FTO: variants seen among roughly 807,000 people sequenced by gnomAD.
FTO encodes FTO alpha-ketoglutarate dependent dioxygenase.
FTO carries 47 observed loss-of-function variants against 63.9 expected under a neutral mutation model. The observed-to-expected ratio is 0.74, with a 90% CI of 0.58 to 0.94. The LOEUF (loss-of-function observed/expected upper bound fraction) is 0.94. Ranked by LOEUF, FTO falls within the 40% of genes least tolerant of loss-of-function variation. FTO has a pLI of 0.00. For synonymous variants in FTO, 207 were observed against 224.4 expected (o/e 0.92, Z 0.69); for missense variants, 562 against 618.1 (o/e 0.91, Z 0.96).
intron 4 of FTO, among the ~76,000 whole-genome samples, chr16:53,863,892 A>T (rs2080239961): frequency 6.6e-6 from 1 of 152,172 alleles, no homozygotes; most frequent in African/African-American, 2.4e-5. Flanking sequence ...AATTCCACCT[A>T]TACTATATTC....
chr16:53,917,814 A>G (rs1265270951), intron 7 of FTO, among the ~76,000 whole-genome samples: 2 of 151,850 alleles, frequency 1.3e-5, no homozygotes, highest in African/African-American at 4.8e-5. Context: ...CTGACATTGA[A>G]GACTCTGTAG....
rs532852190 is a variant in FTO, at chr16:54,113,811, CTT to C, written c.*1910_*1911del. 107 of 132,602 alleles carry C rather than the reference CTT, an allele frequency of 8.1e-4. No homozygotes were observed. The highest frequency in any genetic ancestry group is 1.1e-3 in the Non-Finnish European group (67 of 60,538). The allele number at this position is 132,602 out of a possible 1,614,324, so 8.2% of individuals were successfully genotyped here. On this transcript the variant is annotated 3_prime_UTR_variant, in exon 9 of 9. Coordinates refer to ENST00000471389, the MANE Select transcript of FTO (RefSeq NM_001080432.3). ...AGGTCTGCATTTTCTTTTTTCTTTTCTTTTTTTTTTTTTTTGAGACACAGTCT... is the reference window on the plus strand; with the variant it reads ...AGGTCTGCATTTTCTTTTTTCTTTTCTTTTTTTTTTTTTGAGACACAGTCT...
chr16:53,942,534 G>A (rs749574944), intron 8 of FTO, among the ~76,000 whole-genome samples: 7 of 152,216 alleles, frequency 4.6e-5, no homozygotes, highest in Admixed American at 2.0e-4. Flanking sequence ...CTGAATAAAG[G>A]GATGGGTTTT....
At chr16:54,104,658 G>A (rs2086709320) in intron 8 of FTO, among the ~76,000 whole-genome samples, 1 of 152,130 alleles carries the variant, frequency 6.6e-6, no homozygotes, top group Non-Finnish European at 1.5e-5. Context: ...TTGCACATTA[G>A]GAGAATGCAT....
At chr16:54,004,752 A>G (rs1266477268) in intron 8 of FTO, among the ~76,000 whole-genome samples, 1 of 152,190 alleles carries the variant, frequency 6.6e-6, no homozygotes, top group African/African-American at 2.4e-5. Context: ...GGATGAAGCT[A>G]TCTGTGTAGC....
chr16:53,704,001 G>A (rs902052387), upstream of FTO: 2 of 690,672 alleles, frequency 2.9e-6, no homozygotes, highest in Non-Finnish European at 5.2e-6. Flanking sequence ...AAATTCTCCT[G>A]TGCTAAATCC....
intron 8 of FTO, among the ~76,000 whole-genome samples, chr16:54,105,872 T>C (rs1033557435): frequency 4.6e-5 from 7 of 152,148 alleles, no homozygotes; most frequent in African/African-American, 1.2e-4. Context: ...TCCTGAAATC[T>C]TTATCATTTC....
chr16:53,757,070 T>G (rs1230810490), intron 1 of FTO, among the ~76,000 whole-genome samples: 1 of 149,184 alleles, frequency 6.7e-6, no homozygotes, highest in Non-Finnish European at 1.5e-5. Flanking sequence ...GTTTAAAAAA[T>G]GTTGCCACTG....
intron 1 of FTO, among the ~76,000 whole-genome samples, chr16:53,775,974 T>C (rs2077450145): frequency 6.6e-6 from 1 of 152,172 alleles, no homozygotes; most frequent in Admixed American, 6.6e-5. Context: ...GTGGATTGAT[T>C]TGTTGATTTT....
chr16:53,764,475 C>CAAAAAAAA (rs56906281), intron 1 of FTO, among the ~76,000 whole-genome samples: 3,441 of 118,276 alleles, frequency 0.029, 34 homozygotes, highest in Non-Finnish European at 0.034. Flanking sequence ...ACTAAAAATA[C>CAAAAAAAA]AAAAAAAAAA....
chr16:53,712,305 G>A (rs2075793518), intron 1 of FTO, among the ~76,000 whole-genome samples: 1 of 151,852 alleles, frequency 6.6e-6, no homozygotes, highest in African/African-American at 2.4e-5. Context: ...TTGGTGTTAG[G>A]CCAAAGACCA....
At chr16:53,727,726 G>C (rs965250027) in intron 1 of FTO, among the ~76,000 whole-genome samples, 2 of 152,136 alleles carry the variant, frequency 1.3e-5, no homozygotes, top group African/African-American at 4.8e-5. Flanking sequence ...TTTTAGTTTT[G>C]CTTCTGCCAT....
chr16:54,005,685 T>C (rs2084185812), intron 8 of FTO, among the ~76,000 whole-genome samples: 1 of 152,184 alleles, frequency 6.6e-6, no homozygotes, highest in Non-Finnish European at 1.5e-5. Flanking sequence ...ATCAAACAAC[T>C]ACTATATACT....
At chr16:53,874,890 A>T (rs2080602883) in intron 5 of FTO, among the ~76,000 whole-genome samples, 1 of 152,128 alleles carries the variant, frequency 6.6e-6, no homozygotes, top group Non-Finnish European at 1.5e-5. Context: ...TATGTGTCCA[A>T]AACTGTAGGC....
At chr16:54,055,572 G>A (rs758221994) in intron 8 of FTO, among the ~76,000 whole-genome samples, 46 of 152,080 alleles carry the variant, frequency 3.0e-4, no homozygotes, top group Non-Finnish European at 6.6e-4. Flanking sequence ...TAATCCCCTC[G>A]GCTGAGTGTT....
At chr16:53,707,566 G>A (rs567457083) in intron 1 of FTO, among the ~76,000 whole-genome samples, 4 of 152,298 alleles carry the variant, frequency 2.6e-5, no homozygotes, top group African/African-American at 7.2e-5. Context: ...TAGTAGGAAT[G>A]TAAAATGAGA....
chr16:53,916,979 A>G (rs1694462655), intron 7 of FTO, among the ~76,000 whole-genome samples: 1 of 152,120 alleles, frequency 6.6e-6, no homozygotes, highest in South Asian at 2.1e-4. Context: ...AGTCGGGGAG[A>G]GTCCCTGATT....
chr16:53,842,090 A>T (rs7197885), intron 3 of FTO, among the ~76,000 whole-genome samples: 69,120 of 152,058 alleles, frequency 0.45, 16,216 homozygotes, highest in South Asian at 0.55. Flanking sequence ...CTGTGAATGG[A>T]GTGAACTAAA....
At chr16:53,808,164 A>G (rs1368006140) in intron 1 of FTO, among the ~76,000 whole-genome samples, 1 of 151,904 alleles carries the variant, frequency 6.6e-6, no homozygotes, top group Non-Finnish European at 1.5e-5. Context: ...CCTCATCTCT[A>G]CAAAAAAAGT....
Sources: gnomAD v4.1 joint callset for allele counts (sites outside exome capture counted in the v4.1 genomes callset) on GRCh38, gnomAD v4.1.1 for gene constraint, MANE v1.5 for transcripts, NCBI Gene and HGNC (gene_info 2026-07-23, HGNC 2026-07-21) for gene names.